RAD54L2: variants seen among roughly 807,000 people sequenced by gnomAD.
RAD54L2 encodes the protein RAD54 like 2.
RAD54L2 carries 27 observed loss-of-function variants against 138.4 expected under a neutral mutation model. The observed-to-expected ratio is 0.20, with a 90% CI of 0.14 to 0.27. RAD54L2 has a LOEUF of 0.27. RAD54L2 is among the 10% of genes least tolerant of loss of function. The pLI is 1.00. For synonymous variants in RAD54L2, 644 were observed against 723.2 expected (o/e 0.89, Z 1.76); for missense variants, 1,396 against 1,890.2 (o/e 0.74, Z 4.85).
At chr3:51,542,727 T>G (rs1313917341) in intron 2 of RAD54L2, among the ~76,000 whole-genome samples, 1 of 152,176 alleles carries the variant, frequency 6.6e-6, no homozygotes, top group Admixed American at 6.5e-5. Flanking sequence ...CCTCCCAAAG[T>G]GCTGGGGTTA....
At position 51,589,665 on chromosome 3, in the gene RAD54L2, CATATAT is replaced by C. The variant is rs34093585; in HGVS notation, c.-54-688_-54-683del. ...ACCATCGCAGGTTGGGGACTCTATACATATATATATATATATATACACACACACACA... is the reference window on the plus strand; with the variant it reads ...ACCATCGCAGGTTGGGGACTCTATACATATATATATATACACACACACACA... On this transcript the variant is annotated intron_variant, in intron 2 of 22. Transcript: ENST00000684192. 1.0e-4 allele frequency among the ~76,000 whole-genome samples: 13 copies of C among 127,880 alleles called. No homozygotes were observed. In the East Asian group the frequency reaches 3.3e-3, roughly 32 times the overall value. 83.9% of individuals were successfully genotyped at this position (127,880 alleles called of 152,430 possible). A position where few individuals can be genotyped will look rare whatever the true frequency, so the allele number is the denominator to read the frequency against.
intron 3 of RAD54L2, among the ~76,000 whole-genome samples, chr3:51,616,959 G>T (rs1212744965): frequency 6.6e-6 from 1 of 152,212 alleles, no homozygotes; most frequent in African/African-American, 2.4e-5. Flanking sequence ...TCTAGAATTT[G>T]ATGTAAATGA....
intron 2 of RAD54L2, among the ~76,000 whole-genome samples, chr3:51,544,913 A>T (rs182644751): frequency 1.3e-5 from 2 of 152,194 alleles, no homozygotes; most frequent in East Asian, 3.9e-4. Flanking sequence ...GGAATGGGTA[A>T]TGGATTTAAC....
chr3:51,592,780 G>T (rs1699867137), intron 3 of RAD54L2, among the ~76,000 whole-genome samples: 1 of 151,932 alleles, frequency 6.6e-6, no homozygotes, highest in Non-Finnish European at 1.5e-5. Context: ...TCACCATTTT[G>T]GCCAGGCTGG....
chr3:51,659,797 G>A (rs1194726610), intron 21 of RAD54L2, among the ~76,000 whole-genome samples: 2 of 152,218 alleles, frequency 1.3e-5, no homozygotes, highest in Admixed American at 1.3e-4. Context: ...GCCTTCTAGT[G>A]TCTAGAACAG....
At chr3:51,615,466 T>C (rs954223189) in intron 3 of RAD54L2, among the ~76,000 whole-genome samples, 3 of 152,252 alleles carry the variant, frequency 2.0e-5, no homozygotes, top group Non-Finnish European at 2.9e-5. Context: ...TCAGTGGATT[T>C]TTTATTCATA....
At chr3:51,600,876 A>G (rs1004397800) in intron 3 of RAD54L2, among the ~76,000 whole-genome samples, 8 of 152,078 alleles carry the variant, frequency 5.3e-5, no homozygotes, top group African/African-American at 1.7e-4. Context: ...CTGGGACAGG[A>G]GAATCGCTTG....
intron 5 of RAD54L2, among the ~76,000 whole-genome samples, chr3:51,629,701 A>G (rs954964801): frequency 3.3e-5 from 5 of 151,996 alleles, no homozygotes; most frequent in African/African-American, 4.8e-5. Flanking sequence ...TCTACTAAAA[A>G]TACAAAAAAA....
Position 51,641,767 on chromosome 3 carries a change from G to A in RAD54L2, c.2250G>A (p.Leu750=). ...GTTTCAGCCAGAGTCTTTCCACCTT[G>A]GCTCTCATCGAGGAATTCCTTGGAA... ...ILVFSQSLST[L]ALIEEFLGKR... is the part of the protein sequence containing the mutation. The change falls in exon 15 of 23, where the codon TTG becomes TTA. Residue 750 remains leucine, a synonymous_variant. Coordinates refer to ENST00000684192, the MANE Select transcript of RAD54L2 (RefSeq NM_015106.4). 6.3e-7 allele frequency: 1 copy of A among 1,590,830 alleles called. No individual in the cohort carries two copies. The highest frequency in any genetic ancestry group is 8.6e-7 in the Non-Finnish European group (1 of 1,167,956).
intron 19 of RAD54L2, among the ~76,000 whole-genome samples, chr3:51,647,437 G>C (rs962892367): frequency 1.3e-5 from 2 of 152,198 alleles, no homozygotes; most frequent in Admixed American, 1.3e-4. Context: ...GGAGGTCTAG[G>C]CGGGCAGATC....
intron 9 of RAD54L2, among the ~76,000 whole-genome samples, chr3:51,634,611 C>T (rs867264348): frequency 6.6e-6 from 1 of 152,128 alleles, no homozygotes; most frequent in Non-Finnish European, 1.5e-5. Context: ...CTCAGGTGAT[C>T]CGCCCACCTT....
At chr3:51,593,284 G>A (rs1699878265) in intron 3 of RAD54L2, among the ~76,000 whole-genome samples, 2 of 151,204 alleles carry the variant, frequency 1.3e-5, no homozygotes, top group African/African-American at 4.9e-5. Flanking sequence ...ATAGTACTGA[G>A]ATCTGAGAAA....
rs138256627 is a variant in RAD54L2 at position 51,612,226 on chromosome 3, A to G, written c.140-15327A>G. ...ATGCCTGTAATCCCAGCACTTTGGG[A>G]GGCTGAGGCGGGCAGATCACCTGAG... is the stretch of plus-strand genomic sequence containing the variant. On this transcript the variant is annotated intron_variant, in intron 3 of 22. Coordinates refer to ENST00000684192, the MANE Select transcript of RAD54L2 (RefSeq NM_015106.4). Among the ~76,000 whole-genome samples the G allele has an allele frequency of 2.7e-3, 412 of 152,304 alleles. 1 individual carries two copies. The highest frequency in any genetic ancestry group is 9.3e-3 in the African/African-American group (386 of 41,574).
Position 51,619,738 on chromosome 3 carries a change from ATTATTT to A in RAD54L2, c.140-7814_140-7809del, listed in dbSNP as rs1577430485. Among the ~76,000 whole-genome samples, 55 of 152,268 alleles carry A rather than the reference ATTATTT, an allele frequency of 3.6e-4. No individual in the cohort carries two copies. In the East Asian group the frequency reaches 0.01, roughly 29 times the overall value. The stretch of plus-strand genomic sequence containing the variant: ...CTGAAACTTAGTGGCTTTAAACAAT[ATTATTT>A]CTCTTGGCTTCTGAAGGTAAGCAAT... On this transcript the variant is annotated intron_variant, in intron 3 of 22. Coordinates refer to ENST00000684192, the MANE Select transcript of RAD54L2 (RefSeq NM_015106.4).
Position 51,590,552 on chromosome 3 carries a change from G to A in RAD54L2, c.132G>A (p.Leu44=). The change falls in exon 3 of 23, where the codon CTG becomes CTA. Residue 44 remains leucine, a synonymous_variant. Transcript: ENST00000684192. ...GTGACAGGGATGATGAAGAAGACCT[G>A]CTGGATGGTAAGTGGGCTCTATTGA... ...EECDRDDEED[L]LDDPSLEGMC... 6.4e-7 allele frequency: 1 copy of A among 1,552,396 alleles called. No individual in the cohort carries two copies. The highest frequency in any genetic ancestry group is 8.7e-7 in the Non-Finnish European group (1 of 1,147,158).
rs779959292 is a variant in RAD54L2 at position 51,639,478 on chromosome 3, G to C, written c.1920G>C (p.Glu640Asp). The C allele has an allele frequency of 1.9e-6, 3 of 1,613,868 alleles. No homozygotes were observed. The highest frequency in any genetic ancestry group is 3.3e-5 in the Admixed American group (2 of 59,992). Residue 640 changes from glutamate to aspartate, a missense_variant, in exon 13 of 23, where the codon GAG becomes GAC. Glu to Asp is a conservative substitution (Grantham distance 45). This residue lies in a region of RAD54L2 where 211 missense variants were observed against 273.8 expected (regional missense o/e 0.77). Transcript: ENST00000684192. ...EALQKESLAN[E>D]QDLDVEELGS... ...TTCAGAAGGAGAGCTTGGCCAATGA[G>C]CAGGACCTAGACGTGGAAGAACTTG... is the stretch of plus-strand genomic sequence containing the variant.
chr3:51,538,757 C>T lies in RAD54L2; in HGVS notation c.-275C>T, dbSNP rs1359388460. On this transcript the variant is annotated 5_prime_UTR_variant, in exon 1 of 23. Transcript: ENST00000684192. ...GCCGCCGGTGGAGACCGACGCTTGGCCAGAGCCAGCCCGCGGCGCCCGGGC... is the reference window on the plus strand; with the variant it reads ...GCCGCCGGTGGAGACCGACGCTTGGTCAGAGCCAGCCCGCGGCGCCCGGGC... Among the ~76,000 whole-genome samples the T allele has an allele frequency of 6.6e-6, 1 of 151,928 alleles. No homozygotes were observed. Among genetic ancestry groups the T allele is most frequent in the African/African-American group, 2.4e-5 (1 of 41,432 alleles).
In RAD54L2 at chr3:51,580,481, C is replaced by T. The variant is rs1559624111; in HGVS notation, c.-54-9886C>T. On this transcript the variant is annotated intron_variant, in intron 2 of 22. Coordinates refer to ENST00000684192, the MANE Select transcript of RAD54L2 (RefSeq NM_015106.4). ...ACTTCTTAGAGTTCAGTGAGTGGGG[C>T]TGAAAGTTCCACCCTGTAGTCCCTG... Among the ~76,000 whole-genome samples, 5 of 152,140 alleles carry T rather than the reference C, an allele frequency of 3.3e-5. No homozygotes were observed. The South Asian group carries it at 1.0e-3, about 32-fold the overall frequency.
intron 3 of RAD54L2, among the ~76,000 whole-genome samples, chr3:51,613,098 C>A (rs1700366882): frequency 6.6e-6 from 1 of 151,976 alleles, no homozygotes; most frequent in Admixed American, 6.6e-5. Flanking sequence ...TGCCACCACA[C>A]CCAGCTAATT....
Sources: allele counts gnomAD v4.1 joint callset (sites outside exome capture counted in the v4.1 genomes callset), GRCh38; gene constraint gnomAD v4.1.1; regional missense constraint gnomAD v4.1.1; transcripts MANE v1.5; gene names NCBI Gene and HGNC (gene_info 2026-07-23, HGNC 2026-07-21).